RALYL: variants seen among roughly 807,000 people sequenced by gnomAD.
RALYL encodes RNA-binding Raly-like protein.
A neutral mutation model predicts 35.1 loss-of-function variants in RALYL; 29 were observed. That is an observed-to-expected ratio of 0.83 (90% CI 0.61 to 1.13). RALYL has a LOEUF of 1.13. Ranked by LOEUF, RALYL falls within the 50% of genes most tolerant of loss-of-function variation. The pLI, the probability that RALYL is intolerant of heterozygous loss-of-function variation, is 0.00. For missense variants in RALYL, 359 were observed against 360.4 expected, an observed-to-expected ratio of 1.00 and a Z score of 0.03; for synonymous variants, 120 against 127.6, an observed-to-expected ratio of 0.94 and a Z score of 0.40.
intron 1 of RALYL, among the ~76,000 whole-genome samples, chr8:84,402,960 A>T (rs9792241): frequency 0.03 from 4,527 of 151,974 alleles, 218 homozygotes; most frequent in African/African-American, 0.1. Context: ...AAATGTCTTC[A>T]TTTGAGAAGT....
chr8:84,507,831 A>G (rs1216037028), intron 1 of RALYL, among the ~76,000 whole-genome samples: 1 of 152,192 alleles, frequency 6.6e-6, no homozygotes, highest in African/African-American at 2.4e-5. Context: ...TGAGGACAGT[A>G]CATTTCACAA....
chr8:84,415,724 C>T (rs2044626465), intron 1 of RALYL, among the ~76,000 whole-genome samples: 1 of 152,016 alleles, frequency 6.6e-6, no homozygotes, highest in Admixed American at 6.5e-5. Context: ...GTAACAAAAG[C>T]AAATTGCTGA....
intron 1 of RALYL, among the ~76,000 whole-genome samples, chr8:84,468,278 G>T (rs2052050656): frequency 6.6e-6 from 1 of 151,942 alleles, no homozygotes; most frequent in African/African-American, 2.4e-5. Context: ...GCAGCGGCTG[G>T]TACCCGTTGT....
chr8:84,222,516 G>A (rs1822495800), intron 1 of RALYL, among the ~76,000 whole-genome samples: 1 of 152,136 alleles, frequency 6.6e-6, no homozygotes, highest in East Asian at 1.9e-4. Context: ...ACTTCTAGGA[G>A]GGTTTTCTTA....
chr8:84,207,177 A>T (rs538835987), intron 1 of RALYL, among the ~76,000 whole-genome samples: 1 of 152,274 alleles, frequency 6.6e-6, no homozygotes, highest in East Asian at 1.9e-4. Flanking sequence ...ATTCAAAGGA[A>T]ATTAAACCAG....
At chr8:84,231,566 C>T (rs1245997625) in intron 1 of RALYL, among the ~76,000 whole-genome samples, 2 of 152,094 alleles carry the variant, frequency 1.3e-5, no homozygotes, top group Non-Finnish European at 2.9e-5. Flanking sequence ...GTAAACATGA[C>T]TCCCGGTGAG....
At chr8:84,461,118 A>G (rs991762607) in intron 1 of RALYL, among the ~76,000 whole-genome samples, 3 of 151,636 alleles carry the variant, frequency 2.0e-5, no homozygotes, top group Non-Finnish European at 4.4e-5. Context: ...TGTTATTACT[A>G]AAGGAGAAAA....
intron 2 of RALYL, among the ~76,000 whole-genome samples, chr8:84,671,848 G>T (rs1833320798): frequency 6.6e-6 from 1 of 152,144 alleles, no homozygotes; most frequent in South Asian, 2.1e-4. Flanking sequence ...CCATTGTCTT[G>T]GCAGTTAACA....
chr8:84,880,258 T>C (rs2135345645), intron 7 of RALYL, among the ~76,000 whole-genome samples: 2 of 152,158 alleles, frequency 1.3e-5, no homozygotes, highest in African/African-American at 4.8e-5. Flanking sequence ...AATTTACAAT[T>C]GCAAGTTTGC....
intron 4 of RALYL, among the ~76,000 whole-genome samples, chr8:84,822,527 T>C (rs1210079293): frequency 5.9e-5 from 9 of 152,190 alleles, no homozygotes; most frequent in Admixed American, 5.9e-4. Flanking sequence ...ATGATAATAA[T>C]GTCAGTTGCT....
intron 4 of RALYL, among the ~76,000 whole-genome samples, chr8:84,840,053 C>T (rs1832874437): frequency 6.6e-6 from 1 of 152,158 alleles, no homozygotes; most frequent in African/African-American, 2.4e-5. Context: ...CTCTAAAAAT[C>T]AGAGTGCCTC....
rs1270737897 is a variant in RALYL, at chr8:84,507,614, G to T, written c.-23-21685G>T. Among the ~76,000 whole-genome samples the T allele has an allele frequency of 2.6e-5, 4 of 152,102 alleles. No homozygotes were observed. The South Asian group carries it at 8.3e-4, about 32-fold the overall frequency. ...GTAGAGTTTTTGTTTGCTCCTTGTT[G>T]CTCTGTGACACAGGAGATAAGCTCA... On this transcript the variant is annotated intron_variant, in intron 1 of 8. Coordinates refer to ENST00000521268, the MANE Select transcript of RALYL (RefSeq NM_173848.7).
At chr8:84,680,530 T>C (rs1835224859) in intron 2 of RALYL, among the ~76,000 whole-genome samples, 1 of 152,198 alleles carries the variant, frequency 6.6e-6, no homozygotes, top group Admixed American at 6.5e-5. Context: ...GACTTTTTAA[T>C]GACTGCCATT....
chr8:84,186,483 AAG>A (rs949047433), intron 1 of RALYL, among the ~76,000 whole-genome samples: 2 of 152,016 alleles, frequency 1.3e-5, no homozygotes, highest in Non-Finnish European at 2.9e-5. Context: ...TAGTTCTTTT[AAG>A]AGAGAGAGAG....
chr8:84,468,790 G>A (rs888621382), intron 1 of RALYL, among the ~76,000 whole-genome samples: 6 of 152,002 alleles, frequency 3.9e-5, no homozygotes, highest in African/African-American at 9.7e-5. Context: ...CCAATCAGAC[G>A]TAGATTTGGT....
chr8:84,548,137 T>G (rs1360127122), intron 2 of RALYL, among the ~76,000 whole-genome samples: 1 of 152,212 alleles, frequency 6.6e-6, no homozygotes, highest in East Asian at 1.9e-4. Flanking sequence ...TGCTAACTTC[T>G]ACGTTTATCA....
At chr8:84,363,461 C>T (rs1266882179) in intron 1 of RALYL, among the ~76,000 whole-genome samples, 1 of 152,146 alleles carries the variant, frequency 6.6e-6, no homozygotes, top group Non-Finnish European at 1.5e-5. Context: ...TTATCTCTGC[C>T]TTCCATAAAC....
At chr8:84,650,864 C>T (rs1484758832) in intron 2 of RALYL, among the ~76,000 whole-genome samples, 1 of 152,040 alleles carries the variant, frequency 6.6e-6, no homozygotes, top group African/African-American at 2.4e-5. Context: ...AAATGTGGCA[C>T]ATATACACCA....
intron 2 of RALYL, among the ~76,000 whole-genome samples, chr8:84,614,211 GTTA>G (rs1818932561): frequency 1.3e-5 from 2 of 151,600 alleles, no homozygotes; most frequent in South Asian, 4.2e-4. Context: ...TGTTGCTGTT[GTTA>G]TTAATATAAG....
Sources: allele counts gnomAD v4.1 joint callset (sites outside exome capture counted in the v4.1 genomes callset), GRCh38; gene constraint gnomAD v4.1.1; transcripts MANE v1.5; gene names NCBI Gene and HGNC (gene_info 2026-07-23, HGNC 2026-07-21).